ANXA4: variants seen among roughly 807,000 people sequenced by gnomAD.
ANXA4 encodes the protein 35-beta calcimedin.
ANXA4 carries 39 observed loss-of-function variants against 49.8 expected under a neutral mutation model. The ratio of observed to expected loss-of-function variants is 0.78; its 90% CI spans 0.61 to 1.02. The LOEUF (loss-of-function observed/expected upper bound fraction) is 1.02, where lower values mean the gene tolerates loss of function less well. Ranked by LOEUF, ANXA4 falls within the 50% of genes least tolerant of loss-of-function variation. The pLI, the probability that ANXA4 is intolerant of heterozygous loss-of-function variation, is 0.00. For missense variants in ANXA4, 360 were observed against 410.1 expected (o/e 0.88, Z 1.05); for synonymous variants, 134 against 152.5 (o/e 0.88, Z 0.89).
At chr2:69,731,362 CTT>C (rs968851561) in intron 3 of ANXA4, among the ~76,000 whole-genome samples, 6 of 152,250 alleles carry the variant, frequency 3.9e-5, no homozygotes, top group Admixed American at 2.0e-4. Flanking sequence ...TGGCCACAAA[CTT>C]AGCTCAAGCT....
chr2:69,779,921 T>C (rs981579448), intron 1 of ANXA4, among the ~76,000 whole-genome samples: 1 of 152,280 alleles, frequency 6.6e-6, no homozygotes, highest in Admixed American at 6.5e-5. Flanking sequence ...CTCCCCTTAG[T>C]TGAACCCCCA....
intron 2 of ANXA4, among the ~76,000 whole-genome samples, chr2:69,681,366 ATTTTTT>A (rs35246948): frequency 7.2e-6 from 1 of 139,234 alleles, no homozygotes; most frequent in Non-Finnish European, 1.6e-5. Flanking sequence ...TTCATTTCTG[ATTTTTT>A]TTTTTTTTTT....
chr2:69,653,340 G>A (rs895056667), intron 2 of ANXA4: 1 of 152,236 alleles, frequency 6.6e-6, no homozygotes, highest in Admixed American at 6.5e-5. Flanking sequence ...ATGATTTACA[G>A]TCCAATTGAG....
At chr2:69,747,333 G>A (rs748260489) in intron 1 of ANXA4, among the ~76,000 whole-genome samples, 5 of 152,188 alleles carry the variant, frequency 3.3e-5, no homozygotes, top group Non-Finnish European at 7.3e-5. Flanking sequence ...CCCTGGAGTA[G>A]GTCCTTTAGA....
At chr2:69,820,624 G>A in intron 11 of ANXA4, 75 bp from the exon 12 acceptor site, 1 of 1,554,954 alleles carries the variant, frequency 6.4e-7, no homozygotes. Context: ...CTCTAGTCTT[G>A]CTTTGATAGA....
intron 2 of ANXA4, among the ~76,000 whole-genome samples, chr2:69,691,254 A>T (rs960184416): frequency 3.3e-5 from 5 of 151,584 alleles, no homozygotes; most frequent in African/African-American, 4.9e-5. Context: ...CTCTCAAGTA[A>T]CTGAGATTAC....
chr2:69,697,463 C>T (rs879086762), intron 2 of ANXA4, among the ~76,000 whole-genome samples: 3 of 152,206 alleles, frequency 2.0e-5, no homozygotes, highest in Admixed American at 6.5e-5. Context: ...AATGCTGTTT[C>T]GCTTTCTTAT....
At chr2:69,688,315 T>G (rs1677860768) in intron 2 of ANXA4, among the ~76,000 whole-genome samples, 1 of 152,252 alleles carries the variant, frequency 6.6e-6, no homozygotes, top group Non-Finnish European at 1.5e-5. Context: ...GTTGGTGGTG[T>G]CCTGTATTTC....
intron 2 of ANXA4, among the ~76,000 whole-genome samples, chr2:69,782,220 G>A (rs1396383149): frequency 1.3e-5 from 2 of 152,136 alleles, no homozygotes; most frequent in Non-Finnish European, 2.9e-5. Context: ...ATTCTGATCC[G>A]TGGTCTTCTG....
intron 3 of ANXA4, among the ~76,000 whole-genome samples, chr2:69,802,626 G>A (rs935613614): frequency 7.9e-5 from 12 of 151,242 alleles, no homozygotes; most frequent in Admixed American, 4.6e-4. Flanking sequence ...CAGGAGAATC[G>A]CTTGAACCCG....
chr2:69,824,800 G>A (rs931179696), intron 12 of ANXA4, among the ~76,000 whole-genome samples: 1 of 151,978 alleles, frequency 6.6e-6, no homozygotes, highest in African/African-American at 2.4e-5. Flanking sequence ...GGTTGCTCAC[G>A]CCTGTAATCC....
At chr2:69,796,504 A>G (rs1404431968) in intron 3 of ANXA4, among the ~76,000 whole-genome samples, 1 of 152,216 alleles carries the variant, frequency 6.6e-6, no homozygotes, top group Non-Finnish European at 1.5e-5. Context: ...GAAGCAACAT[A>G]ACAGCTCTCC....
intron 1 of ANXA4, among the ~76,000 whole-genome samples, chr2:69,746,029 C>T (rs990157416): frequency 2.0e-5 from 3 of 150,640 alleles, no homozygotes; most frequent in African/African-American, 2.4e-5. Flanking sequence ...TGTTTGTTTT[C>T]GAGGCAGAAT....
intron 2 of ANXA4, among the ~76,000 whole-genome samples, chr2:69,681,868 G>A (rs1400859626): frequency 1.3e-5 from 2 of 148,848 alleles, no homozygotes; most frequent in African/African-American, 2.5e-5. Flanking sequence ...TCAGGGTCTT[G>A]CTCTGTTGCC....
intron 2 of ANXA4, among the ~76,000 whole-genome samples, chr2:69,718,273 G>A (rs1022885782): frequency 1.3e-5 from 2 of 152,060 alleles, no homozygotes; most frequent in Non-Finnish European, 2.9e-5. Context: ...CCCCCAGCTG[G>A]TCAGAATTCC....
intron 2 of ANXA4, among the ~76,000 whole-genome samples, chr2:69,690,893 C>G (rs1057187879): frequency 2.0e-5 from 3 of 152,136 alleles, no homozygotes; most frequent in African/African-American, 7.2e-5. Context: ...AACAAAGCAA[C>G]TAATAATCAG....
chr2:69,763,279 C>T (rs1361356398), intron 1 of ANXA4, among the ~76,000 whole-genome samples: 1 of 152,136 alleles, frequency 6.6e-6, no homozygotes. Context: ...GCGGGAGGCC[C>T]CAGAACAAAG....
intron 2 of ANXA4, among the ~76,000 whole-genome samples, chr2:69,719,300 G>T (rs1297153429): frequency 1.8e-5 from 2 of 112,178 alleles, no homozygotes; most frequent in Admixed American, 1.2e-4. Flanking sequence ...GCAGGGTCTC[G>T]CTCTGCACCC....
intron 7 of ANXA4, 47 bp downstream of exon 7, chr2:69,810,720 C>T: frequency 6.8e-7 from 1 of 1,477,964 alleles, no homozygotes; most frequent in Non-Finnish European, 9.5e-7. Context: ...GAAATGTCCA[C>T]TCTATCCCCT....
Sources: gnomAD v4.1 joint callset for allele counts (sites outside exome capture counted in the v4.1 genomes callset) on GRCh38, gnomAD v4.1.1 for gene constraint, MANE v1.5 for transcripts, NCBI Gene and HGNC (gene_info 2026-07-23, HGNC 2026-07-21) for gene names.